The following OSBPL6 variants were observed in gnomAD, a reference collection of about 807,000 sequenced individuals.
The protein encoded by OSBPL6 is oxysterol binding protein like 6.
OSBPL6 carries 49 observed loss-of-function variants against 125.8 expected under a neutral mutation model. The observed-to-expected ratio is 0.39, with a 90% CI of 0.31 to 0.49. The LOEUF (loss-of-function observed/expected upper bound fraction) is 0.49, where lower values mean the gene tolerates loss of function less well. Ranked by LOEUF, OSBPL6 falls within the 20% of genes least tolerant of loss-of-function variation. The pLI is 0.88. For missense variants in OSBPL6, 986 were observed against 1,135.4 expected (o/e 0.87, Z 1.89); for synonymous variants, 394 against 391.8 (o/e 1.01, Z -0.07).
At chr2:178,339,480 A>G (rs1298401020) in intron 10 of OSBPL6, among the ~76,000 whole-genome samples, 192 bp from the exon 11 acceptor site, 1 of 152,188 alleles carries the variant, frequency 6.6e-6, no homozygotes, top group Non-Finnish European at 1.5e-5. Flanking sequence ...TCAGTAAAAT[A>G]TATTTTATAA....
chr2:178,295,746 G>A (rs11692144), intron 2 of OSBPL6, among the ~76,000 whole-genome samples: 57,688 of 151,500 alleles, frequency 0.38, 11,959 homozygotes, highest in East Asian at 0.68. Context: ...AATAAAAATT[G>A]TAATAAAACA....
Position 178,287,164 on chromosome 2 carries a change from A to AC in OSBPL6, c.-156+2043_-156+2044insC, listed in dbSNP as rs1559203458. The stretch of plus-strand genomic sequence containing the variant: ...CTTCTTTTTTTAAAAAAAAAAAAAA[A>AC]AAAAACAAATTATTTTACTTAAAAA... On this transcript the variant is annotated intron_variant, in intron 2 of 24. Transcript: ENST00000190611. Among the ~76,000 whole-genome samples, 309 of 151,306 alleles carry AC rather than the reference A, an allele frequency of 2.0e-3. 2 individuals are homozygous for AC. The highest frequency in any genetic ancestry group is 6.7e-3 in the African/African-American group (275 of 40,864).
intron 22 of OSBPL6, among the ~76,000 whole-genome samples, chr2:178,391,447 C>A (rs560346382): frequency 2.9e-4 from 44 of 152,262 alleles, no homozygotes; most frequent in African/African-American, 9.9e-4. Flanking sequence ...CTCTGACAGG[C>A]AGTCAGAGAT....
chr2:178,284,660 A>G (rs753231382), intron 1 of OSBPL6, among the ~76,000 whole-genome samples: 3 of 152,210 alleles, frequency 2.0e-5, no homozygotes, highest in Non-Finnish European at 4.4e-5. Flanking sequence ...AATATTTGCT[A>G]TATCACTTGA....
In OSBPL6 at chr2:178,402,789, T is replaced by C. The variant is rs1455065255; in HGVS notation, c.*7230T>C. 2.6e-5 allele frequency: 4 copies of C among 152,350 alleles called. No homozygotes were observed. Among genetic ancestry groups the C allele is most frequent in the Non-Finnish European group, 4.4e-5 (3 of 68,032 alleles). 9.4% of individuals were successfully genotyped at this position (152,350 alleles called of 1,614,324 possible). A position where few individuals can be genotyped will look rare whatever the true frequency, so the allele number is the denominator to read the frequency against. On this transcript the variant is annotated 3_prime_UTR_variant, in exon 25 of 25. Transcript: ENST00000190611. ...TATTCACTGAAAAATTTGTCTAATCTGTGCCACCTCAAAATAAGAATTGTG... is the reference window on the plus strand; with the variant it reads ...TATTCACTGAAAAATTTGTCTAATCCGTGCCACCTCAAAATAAGAATTGTG...
intron 3 of OSBPL6, among the ~76,000 whole-genome samples, chr2:178,309,355 G>A (rs573619932): frequency 2.6e-5 from 4 of 152,254 alleles, no homozygotes; most frequent in African/African-American, 4.8e-5. Flanking sequence ...AACCTCAAAT[G>A]TTTTAATATA....
chr2:178,238,806 C>A (rs1483114762), intron 1 of OSBPL6, among the ~76,000 whole-genome samples: 1 of 152,078 alleles, frequency 6.6e-6, no homozygotes, highest in Non-Finnish European at 1.5e-5. Flanking sequence ...GAACATATCC[C>A]CCCAAAATAA....
intron 9 of OSBPL6, 73 bp downstream of exon 9, chr2:178,336,506 A>G: frequency 2.0e-6 from 3 of 1,538,152 alleles, no homozygotes; most frequent in Non-Finnish European, 2.7e-6. Flanking sequence ...GAGGTCAATT[A>G]TGAGTGCTAC....
chr2:178,292,418 A>G (rs1685368667), intron 2 of OSBPL6, among the ~76,000 whole-genome samples: 2 of 152,182 alleles, frequency 1.3e-5, no homozygotes, highest in South Asian at 4.1e-4. Flanking sequence ...TTTCCAAGCA[A>G]CAATTCTAAA....
At chr2:178,253,771 A>G (rs1310482422) in intron 1 of OSBPL6, among the ~76,000 whole-genome samples, 3 of 152,206 alleles carry the variant, frequency 2.0e-5, no homozygotes, top group Non-Finnish European at 4.4e-5. Context: ...AAAATACTGG[A>G]CACTGCTAGG....
intron 9 of OSBPL6, among the ~76,000 whole-genome samples, chr2:178,336,845 C>T (rs1256036911): frequency 5.3e-5 from 8 of 152,232 alleles, no homozygotes; most frequent in African/African-American, 1.4e-4. Context: ...CACTAGGTCA[C>T]TTCCGCAGCT....
intron 21 of OSBPL6, 29 bp downstream of exon 21, chr2:178,389,182 A>C: frequency 6.2e-7 from 1 of 1,602,938 alleles, no homozygotes. Flanking sequence ...CAGTAAAGGA[A>C]AATGAGTATA....
chr2:178,276,093 T>C (rs2092463252), intron 1 of OSBPL6, among the ~76,000 whole-genome samples: 1 of 152,114 alleles, frequency 6.6e-6, no homozygotes, highest in African/African-American at 2.4e-5. Context: ...TTTTCTACTT[T>C]CCCCCTAGTG....
intron 21 of OSBPL6, among the ~76,000 whole-genome samples, chr2:178,389,918 A>G (rs778606439): frequency 6.6e-6 from 1 of 152,198 alleles, no homozygotes; most frequent in Non-Finnish European, 1.5e-5. Context: ...CTTTTAAGCC[A>G]TATTGGAAGG....
chr2:178,200,623 T>C (rs2089196830), intron 1 of OSBPL6, among the ~76,000 whole-genome samples: 1 of 152,100 alleles, frequency 6.6e-6, no homozygotes, highest in Non-Finnish European at 1.5e-5. Flanking sequence ...CTGGCATAGA[T>C]GATTACTATT....
intron 11 of OSBPL6, chr2:178,344,187 A>G (rs548073756): frequency 6.1e-5 from 64 of 1,042,246 alleles, no homozygotes; most frequent in Admixed American, 2.3e-4. Context: ...TCAGTTAAAA[A>G]CTCTCCCTCT....
chr2:178,301,038 A>G (rs1022642033), intron 2 of OSBPL6, among the ~76,000 whole-genome samples: 2 of 152,242 alleles, frequency 1.3e-5, no homozygotes, highest in Non-Finnish European at 1.5e-5. Flanking sequence ...CATTAAATAG[A>G]AATTGGAAAT....
chr2:178,252,275 CT>C (rs1384291017), intron 1 of OSBPL6, among the ~76,000 whole-genome samples: 1 of 152,152 alleles, frequency 6.6e-6, no homozygotes, highest in African/African-American at 2.4e-5. Context: ...CAAATTTTCT[CT>C]GTAAAGGGCC....
intron 1 of OSBPL6, among the ~76,000 whole-genome samples, chr2:178,209,185 C>G (rs575479982): frequency 2.6e-5 from 4 of 151,114 alleles, no homozygotes; most frequent in African/African-American, 9.7e-5. Context: ...TGCTTTCTTC[C>G]CCTCACTTTT....
Sources: allele counts gnomAD v4.1 joint callset (sites outside exome capture counted in the v4.1 genomes callset), GRCh38; gene constraint gnomAD v4.1.1; transcripts MANE v1.5; gene names NCBI Gene and HGNC (gene_info 2026-07-23, HGNC 2026-07-21).